The following GRAMD2A variants were observed in gnomAD, a reference collection of about 807,000 sequenced individuals.
GRAMD2A encodes GRAM domain-containing protein 2A.
GRAMD2A carries 37 observed loss-of-function variants against 51.1 expected under a neutral mutation model. The observed-to-expected ratio is 0.72, with a 90% CI of 0.56 to 0.95. The LOEUF (loss-of-function observed/expected upper bound fraction) is 0.95. Ranked by LOEUF, GRAMD2A falls within the 40% of genes least tolerant of loss-of-function variation. The pLI is 0.00. For synonymous variants in GRAMD2A, 136 were observed against 157.1 expected (o/e 0.87, Z 1.01); for missense variants, 414 against 426.9 (o/e 0.97, Z 0.27).
At chr15:72,188,495 T>C (rs1212676388) in intron 1 of GRAMD2A, among the ~76,000 whole-genome samples, 1 of 152,150 alleles carries the variant, frequency 6.6e-6, no homozygotes, top group African/African-American at 2.4e-5. Flanking sequence ...TATTAAAACT[T>C]ATTAAAAAGT....
chr15:72,197,615 G>T, intron 1 of GRAMD2A, 116 bp downstream of exon 1: 1 of 822,120 alleles, frequency 1.2e-6, no homozygotes, highest in Non-Finnish European at 1.6e-6. Flanking sequence ...CCTGCCCCGT[G>T]GGCAGAACGC....
intron 1 of GRAMD2A, among the ~76,000 whole-genome samples, chr15:72,172,919 G>A (rs369097271): frequency 1.3e-5 from 2 of 152,124 alleles, no homozygotes; most frequent in African/African-American, 4.8e-5. Flanking sequence ...GACAGGCCTG[G>A]GGGGAGTAGA....
intron 1 of GRAMD2A, among the ~76,000 whole-genome samples, chr15:72,171,327 AAAAAT>A (rs1041645228): frequency 3.9e-5 from 6 of 152,128 alleles, no homozygotes; most frequent in African/African-American, 1.4e-4. Flanking sequence ...AGAAAATATG[AAAAAT>A]ATATATAAGA....
At chr15:72,163,803 T>C (rs755650356) in intron 8 of GRAMD2A, 46 bp from the exon 9 acceptor site, 3 of 1,587,632 alleles carry the variant, frequency 1.9e-6, no homozygotes, top group Non-Finnish European at 2.6e-6. Flanking sequence ...CCTTGCGATC[T>C]CACTTGCCCT....
At chr15:72,164,877 G>A (rs551106610) in intron 8 of GRAMD2A, among the ~76,000 whole-genome samples, 18 of 152,210 alleles carry the variant, frequency 1.2e-4, no homozygotes, top group African/African-American at 3.1e-4. Flanking sequence ...GGTGGCTCAC[G>A]CCTATAATCC....
chr15:72,170,387 A>T lies in GRAMD2A; in HGVS notation c.42-448T>A. Reference sequence around the variant, plus strand: ...CAGGTTCCGGGAAAGTAGGCTGAGCACAGGAGGCCTTATCAAAGCTCAGGA... The same window carrying T: ...CAGGTTCCGGGAAAGTAGGCTGAGCTCAGGAGGCCTTATCAAAGCTCAGGA... On this transcript the variant is annotated intron_variant, in intron 1 of 11. Transcript: ENST00000309731. This position sits in a 1 kb window ranked among gnomAD's most constrained non-coding sequence, Gnocchi z 4.5. 2.2e-6 allele frequency: 1 copy of T among 456,580 alleles called. No individual in the cohort carries two copies. Among genetic ancestry groups the T allele is most frequent in the Non-Finnish European group, 4.4e-6 (1 of 227,158 alleles). 28.3% of individuals were successfully genotyped at this position (456,580 alleles called of 1,614,324 possible).
At position 72,163,313 on chromosome 15, in the gene GRAMD2A, CCCAGTGCTCCTGGGCTCCT is replaced by C. The variant is rs768145772; in HGVS notation, c.890_908del (p.Glu297GlyfsTer3). 8.1e-6 allele frequency: 13 copies of C among 1,612,928 alleles called. No homozygotes were observed. The Admixed American group carries it at 8.3e-5, about 10-fold the overall frequency. ...GCCGGTAATCCCAGAGCCTCAGCTC[CCCAGTGCTCCTGGGCTCCT>C]CCTCCAGCTCATCCTCCTCATAGAC... On this transcript the variant is annotated frameshift_variant, in exon 10 of 12. Coordinates refer to ENST00000309731, the MANE Select transcript of GRAMD2A (RefSeq NM_001012642.3). LOFTEE classifies it high-confidence loss of function.
intron 1 of GRAMD2A, among the ~76,000 whole-genome samples, chr15:72,190,221 T>A (rs2081758835): frequency 6.6e-6 from 1 of 151,390 alleles, no homozygotes; most frequent in Non-Finnish European, 1.5e-5. Context: ...CTAAAAAAAA[T>A]ACAAAAAAAT....
At chr15:72,167,119 A>C in intron 5 of GRAMD2A, 27 bp from the exon 6 acceptor site, 2 of 1,533,030 alleles carry the variant, frequency 1.3e-6, no homozygotes, top group Non-Finnish European at 1.8e-6. Context: ...TGCTTCTCTC[A>C]GGACTAACCC....
At chr15:72,176,904 C>G (rs1344589128) in intron 1 of GRAMD2A, among the ~76,000 whole-genome samples, 1 of 145,750 alleles carries the variant, frequency 6.9e-6, no homozygotes, top group Non-Finnish European at 1.5e-5. Context: ...TGCTCTGTTG[C>G]CCAGGCTGGA....
At chr15:72,197,067 A>T (rs141510303) in intron 1 of GRAMD2A, among the ~76,000 whole-genome samples, 2,862 of 152,286 alleles carry the variant, frequency 0.019, 53 homozygotes, top group African/African-American at 0.041. Flanking sequence ...TCTGGATGTT[A>T]CGTGCAGCGC....
In GRAMD2A at chr15:72,166,071, G is replaced by A. The variant is rs560971133; in HGVS notation, c.543+561C>T. ...TTTAGTAAAGACAGGGTTTCACTACGTTGGCCAGGCTGGTCTCGAACTCTT... is the reference window on the plus strand; with the variant it reads ...TTTAGTAAAGACAGGGTTTCACTACATTGGCCAGGCTGGTCTCGAACTCTT... On this transcript the variant is annotated intron_variant, in intron 7 of 11. Coordinates refer to ENST00000309731, the MANE Select transcript of GRAMD2A (RefSeq NM_001012642.3). The surrounding 1 kb of genome is among the most constrained non-coding windows in gnomAD (Gnocchi z 4.1). Among the ~76,000 whole-genome samples the A allele has an allele frequency of 3.3e-5, 5 of 152,224 alleles. No homozygotes were observed. In the East Asian group the frequency reaches 5.8e-4, roughly 18 times the overall value.
intron 1 of GRAMD2A, among the ~76,000 whole-genome samples, chr15:72,181,372 AG>A (rs1406451564): frequency 6.6e-6 from 1 of 152,220 alleles, no homozygotes; most frequent in Admixed American, 6.5e-5. Context: ...AGGGGAGTGG[AG>A]GGTGAATATT....
chr15:72,189,789 G>C (rs143826800), intron 1 of GRAMD2A, among the ~76,000 whole-genome samples: 1,925 of 152,278 alleles, frequency 0.013, 27 homozygotes, highest in African/African-American at 0.02. Flanking sequence ...GGGAGGCTCA[G>C]AGCCAGTAGA....
At chr15:72,194,960 T>G (rs2081794269) in intron 1 of GRAMD2A, among the ~76,000 whole-genome samples, 1 of 152,152 alleles carries the variant, frequency 6.6e-6, no homozygotes, top group Non-Finnish European at 1.5e-5. Context: ...AGTGCTGGGA[T>G]TAGAGGTGTG....
chr15:72,180,275 T>C (rs1015363840), intron 1 of GRAMD2A, among the ~76,000 whole-genome samples: 1 of 152,250 alleles, frequency 6.6e-6, no homozygotes, highest in South Asian at 2.1e-4. Flanking sequence ...TCATGCCCGC[T>C]GCTGGAGCGG....
Position 72,166,863 on chromosome 15 carries a change from G to T in GRAMD2A, c.471+131C>A. 3 of 924,970 alleles carry T rather than the reference G, an allele frequency of 3.2e-6. No homozygotes were observed. The highest frequency in any genetic ancestry group is 3.5e-6 in the Non-Finnish European group (2 of 572,826). The allele number at this position is 924,970 out of a possible 1,614,324, so 57.3% of individuals were successfully genotyped here. On this transcript the variant is annotated intron_variant, in intron 6 of 11. Transcript: ENST00000309731. This position sits in a 1 kb window ranked among gnomAD's most constrained non-coding sequence, Gnocchi z 4.1. The stretch of plus-strand genomic sequence containing the variant: ...AACTTCTCTTCCAGCTTGTTGTACG[G>T]CCTGAAATACCTACTGGAGAGCTGC...
intron 1 of GRAMD2A, among the ~76,000 whole-genome samples, chr15:72,183,858 A>G (rs185349557): frequency 7.2e-5 from 11 of 152,228 alleles, no homozygotes; most frequent in Non-Finnish European, 1.3e-4. Context: ...GGTCAGGACA[A>G]CTTTGGTGCA....
chr15:72,179,475 T>C (rs2081680869), intron 1 of GRAMD2A, among the ~76,000 whole-genome samples: 1 of 152,182 alleles, frequency 6.6e-6, no homozygotes, highest in African/African-American at 2.4e-5. Flanking sequence ...CCCCGGAGAC[T>C]GGCTCTAGAG....
Sources: allele counts gnomAD v4.1 joint callset (sites outside exome capture counted in the v4.1 genomes callset), GRCh38; gene constraint gnomAD v4.1.1; non-coding constraint Gnocchi (gnomAD v3.1); transcripts MANE v1.5; gene names NCBI Gene and HGNC (gene_info 2026-07-23, HGNC 2026-07-21).